The following PIGV variants were observed in gnomAD, a reference collection of about 807,000 sequenced individuals.
PIGV encodes the protein phosphatidylinositol glycan anchor biosynthesis class V.
In PIGV, 27 loss-of-function variants were observed where a neutral mutation model predicts 39.2. That is an observed-to-expected ratio of 0.69 (90% CI 0.51 to 0.95). The LOEUF (loss-of-function observed/expected upper bound fraction) is 0.95, where lower values mean the gene tolerates loss of function less well. Ranked by LOEUF, PIGV falls within the 40% of genes least tolerant of loss-of-function variation. The pLI is 0.00. For synonymous variants in PIGV, 232 were observed against 241.7 expected (o/e 0.96, Z 0.37); for missense variants, 523 against 586.4 (o/e 0.89, Z 1.12).
rs753993294 is a variant in PIGV, at chr1:26,790,905, A to G, written c.78+12A>G. The G allele has an allele frequency of 6.2e-7, 1 of 1,609,496 alleles. No homozygotes were observed. Among genetic ancestry groups the G allele is most frequent in the Admixed American group, 1.7e-5 (1 of 60,016 alleles). On this transcript the variant is annotated intron_variant, in intron 2 of 3. Coordinates refer to ENST00000674202, the MANE Select transcript of PIGV (RefSeq NM_017837.4). ...CTCTGATGCTGCAGGTCAGTCTCCC[A>G]TCCTTTGTCCTGAATGTGCTATTGC...
chr1:26,791,617 T>C (rs1049984652), intron 2 of PIGV, among the ~76,000 whole-genome samples: 2 of 152,226 alleles, frequency 1.3e-5, no homozygotes. Flanking sequence ...GTACCTTTTA[T>C]CCCTGTACCA....
At chr1:26,794,080 C>G in intron 2 of PIGV, 33 bp from the exon 3 acceptor site, 1 of 1,604,536 alleles carries the variant, frequency 6.2e-7, no homozygotes, top group South Asian at 1.1e-5. Context: ...TCCAGTTACT[C>G]AACCAAAATT....
In PIGV at chr1:26,790,837, C is replaced by T. The variant is rs769363441; in HGVS notation, c.22C>T (p.Arg8Trp). The change falls in exon 2 of 4, where the codon CGG becomes TGG. Residue 8 changes from arginine to tryptophan, a missense_variant. Transcript: ENST00000674202. Reference protein sequence around the residue: MWPQDPSRKEVLRFAVSC... With the variant: MWPQDPSWKEVLRFAVSC... ...AAGGATGTGGCCCCAGGACCCATCCCGGAAGGAGGTGCTGAGGTTTGCAGT... is the reference window on the plus strand; with the variant it reads ...AAGGATGTGGCCCCAGGACCCATCCTGGAAGGAGGTGCTGAGGTTTGCAGT... 19 of 1,613,962 alleles carry T rather than the reference C, an allele frequency of 1.2e-5. No homozygotes were observed. Among genetic ancestry groups the T allele is most frequent in the South Asian group, 7.7e-5 (7 of 91,076 alleles).
Position 26,792,579 on chromosome 1 carries a change from G to A in PIGV, c.79-1534G>A, listed in dbSNP as rs368867011. Among the ~76,000 whole-genome samples the A allele has an allele frequency of 4.2e-4, 63 of 151,752 alleles. 1 individual carries two copies. The South Asian group carries it at 0.013, about 31-fold the overall frequency. On this transcript the variant is annotated intron_variant, in intron 2 of 3. Transcript: ENST00000674202. ...CCTGACCTCGTGATCTGCCTGCCTCGGCCTCCCAAAGTGCTGGGATTACAG... is the reference window on the plus strand; with the variant it reads ...CCTGACCTCGTGATCTGCCTGCCTCAGCCTCCCAAAGTGCTGGGATTACAG...
chr1:26,792,970 C>A (rs2081331657), intron 2 of PIGV, among the ~76,000 whole-genome samples: 1 of 152,196 alleles, frequency 6.6e-6, no homozygotes, highest in Non-Finnish European at 1.5e-5. Flanking sequence ...CAACTCAGAA[C>A]AATAGAAGGC....
rs754600059 is a variant in PIGV, at chr1:26,794,394, A to G, written c.360A>G (p.Ala120=). The stretch of plus-strand genomic sequence containing the variant: ...GCAGTTGCCTGCTGATTTCGGTAGC[A>G]TCACTCAATTTCTTGTTCTTCATGT... ...SLRSCLLISV[A]SLNFLFFMLA... Residue 120 remains alanine (A), a synonymous_variant, in exon 3 of 4, where the codon GCA becomes GCG. Coordinates refer to ENST00000674202, the MANE Select transcript of PIGV (RefSeq NM_017837.4). 9 of 1,614,112 alleles carry G rather than the reference A, an allele frequency of 5.6e-6. No individual in the cohort carries two copies. The highest frequency in any genetic ancestry group is 1.7e-5 in the Admixed American group (1 of 60,010).
Position 26,798,939 on chromosome 1 carries a change from T to C in PIGV, c.*1095T>C, listed in dbSNP as rs2081421342. ...GAAACCATGGGAAATGATGATATTC[T>C]TCAGGGGGTGGTGGTGAATGATGCA... is the stretch of plus-strand genomic sequence containing the variant. On this transcript the variant is annotated 3_prime_UTR_variant, in exon 4 of 4. Coordinates refer to ENST00000674202, the MANE Select transcript of PIGV (RefSeq NM_017837.4). 6.6e-6 allele frequency among the ~76,000 whole-genome samples: 1 copy of C among 152,168 alleles called. No homozygotes were observed.
chr1:26,795,300 G>A (rs189958204), intron 3 of PIGV, 66 bp downstream of exon 3: 6 of 1,579,502 alleles, frequency 3.8e-6, no homozygotes, highest in South Asian at 1.1e-5. Flanking sequence ...CAAGGACAGG[G>A]AAGGCAGCTA....
At chr1:26,797,113 A>G (rs2124205742) in intron 3 of PIGV, among the ~76,000 whole-genome samples, 1 of 152,330 alleles carries the variant, frequency 6.6e-6, no homozygotes, top group East Asian at 1.9e-4. Flanking sequence ...GAGGGAGGCC[A>G]TTTGGAAACT....
intron 1 of PIGV, chr1:26,788,820 G>GT (rs1321859751): frequency 2.0e-5 from 3 of 152,254 alleles, no homozygotes; most frequent in African/African-American, 7.2e-5. Context: ...TAGTTGATCT[G>GT]TAAGTGTCCT....
At chr1:26,787,509 A>G (rs1002743156), upstream of PIGV, 1 of 152,118 alleles carries the variant, frequency 6.6e-6, no homozygotes, top group Non-Finnish European at 1.5e-5. Flanking sequence ...GGCCACAGAA[A>G]CCCCAAGAAT....
At position 26,797,876 on chromosome 1, in the gene PIGV, A is replaced by G; in HGVS notation, c.*32A>G. 2 of 1,609,742 alleles carry G rather than the reference A, an allele frequency of 1.2e-6. No individual in the cohort carries two copies. Among genetic ancestry groups the G allele is most frequent in the Middle Eastern group, 1.7e-4 (1 of 6,056 alleles). ...CTCTCCAGGGACAGGTTGGAAGCCA[A>G]CTTAACCCAGGGGTCTGAAAGTAAA... On this transcript the variant is annotated 3_prime_UTR_variant, in exon 4 of 4. Transcript: ENST00000674202.
At chr1:26,795,705 A>C (rs2081373053) in intron 3 of PIGV, among the ~76,000 whole-genome samples, 1 of 109,608 alleles carries the variant, frequency 9.1e-6, no homozygotes, top group Non-Finnish European at 2.0e-5. Flanking sequence ...GTGAGACTCT[A>C]TCTCAAAAAA....
rs2081408225 is a variant in PIGV at position 26,797,907 on chromosome 1, A to G, written c.*63A>G. On this transcript the variant is annotated 3_prime_UTR_variant, in exon 4 of 4. Transcript: ENST00000674202. ...CCCAGGGGTCTGAAAGTAAAAATAC[A>G]CATTGGAACTGCCTCTGCTGCCCTG... The G allele has an allele frequency of 5.1e-6, 7 of 1,364,136 alleles. No homozygotes were observed. Among genetic ancestry groups the G allele is most frequent in the Non-Finnish European group, 5.2e-6 (5 of 953,066 alleles). 84.5% of individuals were successfully genotyped at this position (1,364,136 alleles called of 1,614,324 possible).
Position 26,794,765 on chromosome 1 carries a change from C to T in PIGV, c.731C>T (p.Ser244Leu), listed in dbSNP as rs148083457. 31 of 1,614,026 alleles carry T rather than the reference C, an allele frequency of 1.9e-5. No individual in the cohort carries two copies. Among genetic ancestry groups the T allele is most frequent in the Admixed American group, 3.3e-5 (2 of 60,000 alleles). Residue 244 changes from serine to leucine, a missense_variant, in exon 3 of 4, where the codon TCG (serine) becomes TTG (leucine). Transcript: ENST00000674202. The part of the protein sequence containing the change: ...LFKLMASLFL[S>L]VFTLGLPFAL... ...AAGCTGATGGCCTCTCTGTTTCTGTCGGTGTTCACACTTGGCCTTCCCTTT... is the reference window on the plus strand; with the variant it reads ...AAGCTGATGGCCTCTCTGTTTCTGTTGGTGTTCACACTTGGCCTTCCCTTT...
intron 1 of PIGV, chr1:26,788,497 C>G (rs967822856): frequency 1.3e-5 from 2 of 152,292 alleles, no homozygotes; most frequent in African/African-American, 4.8e-5. Flanking sequence ...TAGGGCCCAA[C>G]TACCCTAAGC....
rs892820449 is a variant in PIGV at position 26,800,218 on chromosome 1, G to A, written c.*2374G>A. Among the ~76,000 whole-genome samples, 20 of 151,190 alleles carry A rather than the reference G, an allele frequency of 1.3e-4. No individual in the cohort carries two copies. The East Asian group carries it at 3.5e-3, about 26-fold the overall frequency. ...GTTGTTCTCTAAGGAGCTAAGGAAT[G>A]GGCTGATTTTATGACCAGCAGCTGT... On this transcript the variant is annotated 3_prime_UTR_variant, in exon 4 of 4. Transcript: ENST00000674202.
intron 2 of PIGV, among the ~76,000 whole-genome samples, chr1:26,791,399 C>CACACAACT (rs949003243): frequency 1.3e-5 from 2 of 152,214 alleles, no homozygotes; most frequent in African/African-American, 4.8e-5. Context: ...GCCTCACCCA[C>CACACAACT]ACACAACTCT....
chr1:26,787,353 T>C (rs1225913933), upstream of PIGV: 2 of 152,030 alleles, frequency 1.3e-5, no homozygotes, highest in African/African-American at 2.4e-5. Flanking sequence ...GAGGGTGTTC[T>C]CTGAGGTTTT....
Sources: gnomAD v4.1 joint callset for allele counts (sites outside exome capture counted in the v4.1 genomes callset) on GRCh38, gnomAD v4.1.1 for gene constraint, MANE v1.5 for transcripts, NCBI Gene and HGNC (gene_info 2026-07-23, HGNC 2026-07-21) for gene names.